The following RUNX3 variants were observed in gnomAD, a reference collection of about 807,000 sequenced individuals.
RUNX3 encodes the protein runt-related transcription factor 3.
Under a neutral mutation model 27.7 loss-of-function variants are expected in RUNX3, and 10 were observed. The ratio of observed to expected loss-of-function variants is 0.36; its 90% CI spans 0.22 to 0.61. RUNX3 has a LOEUF of 0.61. Ranked by LOEUF, RUNX3 falls within the 20% of genes least tolerant of loss-of-function variation. The pLI is 0.72. For synonymous variants in RUNX3, 270 were observed against 269.2 expected (o/e 1.00, Z -0.03); for missense variants, 469 against 629.5 (o/e 0.75, Z 2.73).
chr1:24,958,504 T>C (rs1642009472), intron 2 of RUNX3, among the ~76,000 whole-genome samples: 1 of 152,192 alleles, frequency 6.6e-6, no homozygotes. Flanking sequence ...TGATTCACTG[T>C]TCCTTGTTCT....
At position 24,904,253 on chromosome 1, in the gene RUNX3, G is replaced by C. The variant is rs1433097877; in HGVS notation, c.704-1587C>G. Among the ~76,000 whole-genome samples, 1 of 152,238 alleles carries C rather than the reference G, an allele frequency of 6.6e-6. No individual in the cohort carries two copies. The highest frequency in any genetic ancestry group is 2.1e-4 in the South Asian group (1 of 4,836). On this transcript the variant is annotated intron_variant, in intron 4 of 4. Coordinates refer to ENST00000308873, the MANE Select transcript of RUNX3 (RefSeq NM_004350.3). The surrounding 1 kb of genome is among the most constrained non-coding windows in gnomAD (Gnocchi z 5.7). ...GCTGAGGACGGAGAGCTATGAGCCT[G>C]AGGTGTGTGTGACTTCGGCTGGGAC...
Position 24,902,573 on chromosome 1 carries a change from G to T in RUNX3, c.797C>A (p.Pro266His). Reference protein sequence around the residue: ...PTLTESRFPDPRMHYPGAMSA... With the variant: ...PTLTESRFPDHRMHYPGAMSA... Reference sequence around the variant, plus strand: ...CATGGCCCCGGGATAATGCATCCTGGGGTCTGGGAAGCGGCTCTCCGTGAG... The same window carrying T: ...CATGGCCCCGGGATAATGCATCCTGTGGTCTGGGAAGCGGCTCTCCGTGAG... The change falls in exon 5 of 5, where the codon CCC becomes CAC. Residue 266 changes from proline to histidine, a missense_variant. Around this residue, in one of 3 missense-constraint regions of RUNX3, gnomAD observed 279 missense variants for 343.0 expected, o/e 0.81. Transcript: ENST00000308873. This position sits in a 1 kb window ranked among gnomAD's most constrained non-coding sequence, Gnocchi z 9.2. 1 of 1,574,034 alleles carries T rather than the reference G, an allele frequency of 6.4e-7. No individual in the cohort carries two copies. The highest frequency in any genetic ancestry group is 8.7e-7 in the Non-Finnish European group (1 of 1,154,238).
intron 2 of RUNX3, among the ~76,000 whole-genome samples, chr1:24,955,756 A>C (rs1286535478): frequency 6.6e-6 from 1 of 152,148 alleles, no homozygotes; most frequent in African/African-American, 2.4e-5. Context: ...ACACTGAAAA[A>C]CACTGGGGGG....
intron 2 of RUNX3, among the ~76,000 whole-genome samples, chr1:24,959,886 C>T (rs556832392): frequency 1.2e-4 from 18 of 152,340 alleles, no homozygotes; most frequent in South Asian, 8.3e-4. Context: ...ACCCACACCA[C>T]GCTCCCAGCC....
chr1:24,934,663 C>A (rs917476480), upstream of RUNX3, among the ~76,000 whole-genome samples: 4 of 152,172 alleles, frequency 2.6e-5, no homozygotes, highest in Non-Finnish European at 5.9e-5. Flanking sequence ...CAAAGAGGAA[C>A]GTTGTCCGAG....
chr1:24,907,119 G>C, intron 4 of RUNX3, 140 bp downstream of exon 4: 1 of 820,636 alleles, frequency 1.2e-6, no homozygotes, highest in South Asian at 1.8e-5. Flanking sequence ...AGGTGCCAAT[G>C]AGCACCAGCA....
chr1:24,913,166 G>T (rs1216921758), intron 3 of RUNX3, among the ~76,000 whole-genome samples: 1 of 152,214 alleles, frequency 6.6e-6, no homozygotes. Flanking sequence ...AAAAGCAGAG[G>T]ACTGAGATGG....
chr1:24,913,382 A>T (rs1640830694), intron 3 of RUNX3, among the ~76,000 whole-genome samples: 1 of 152,214 alleles, frequency 6.6e-6, no homozygotes, highest in Non-Finnish European at 1.5e-5. Context: ...ACCAGTGGTC[A>T]CTGTCTTGGG....
In RUNX3 at chr1:24,909,154, G is replaced by A. The variant is rs1041823952; in HGVS notation, c.545-1737C>T. Among the ~76,000 whole-genome samples the A allele has an allele frequency of 5.3e-5, 8 of 152,294 alleles. No homozygotes were observed. In the East Asian group the frequency reaches 7.7e-4, roughly 15 times the overall value. ...CACCCTCCTGCGGCCTGCTGAGGCCGAGGGACACTTCTGGAGTGATATCAA... is the reference window on the plus strand; with the variant it reads ...CACCCTCCTGCGGCCTGCTGAGGCCAAGGGACACTTCTGGAGTGATATCAA... On this transcript the variant is annotated intron_variant, in intron 3 of 4. Coordinates refer to ENST00000308873, the MANE Select transcript of RUNX3 (RefSeq NM_004350.3).
Position 24,930,216 on chromosome 1 carries a change from CCCGCGGCCGCCCCGACT to C in RUNX3, c.-365_-349del. ...CCGCCGCCTCCCGCCCCGAAGCTCG[CCCGCGGCCGCCCCGACT>C]CCGCGGCCGCAGCCCCAGAACAAAT... On this transcript the variant is annotated 5_prime_UTR_variant, in exon 1 of 5. Transcript: ENST00000308873. The surrounding 1 kb of genome is among the most constrained non-coding windows in gnomAD (Gnocchi z 4.1). 4.1e-6 allele frequency: 4 copies of C among 982,116 alleles called. No homozygotes were observed. Among genetic ancestry groups the C allele is most frequent in the Non-Finnish European group, 4.8e-6 (4 of 828,624 alleles). 60.8% of individuals were successfully genotyped at this position (982,116 alleles called of 1,614,324 possible). A position where few individuals can be genotyped will look rare whatever the true frequency, so the allele number is the denominator to read the frequency against.
At chr1:24,941,904 A>G (rs981453837) in intron 2 of RUNX3, among the ~76,000 whole-genome samples, 3 of 152,122 alleles carry the variant, frequency 2.0e-5, no homozygotes, top group African/African-American at 7.2e-5. Context: ...GACACTGGGC[A>G]CTCTGTCATT....
At position 24,930,263 on chromosome 1, in the gene RUNX3, C is replaced by G; in HGVS notation, c.-395G>C. The G allele has an allele frequency of 1.0e-6, 1 of 983,506 alleles. No individual in the cohort carries two copies. Among genetic ancestry groups the G allele is most frequent in the Non-Finnish European group, 1.2e-6 (1 of 828,832 alleles). 60.9% of individuals were successfully genotyped at this position (983,506 alleles called of 1,614,324 possible). A position where few individuals can be genotyped will look rare whatever the true frequency, so the allele number is the denominator to read the frequency against. ...GGCCGCAGCCCCAGAACAAATCCTC[C>G]AGAATCAAGTGGCGGGGCCGCGGCC... On this transcript the variant is annotated 5_prime_UTR_variant, in exon 1 of 5. Coordinates refer to ENST00000308873, the MANE Select transcript of RUNX3 (RefSeq NM_004350.3). The surrounding 1 kb of genome is among the most constrained non-coding windows in gnomAD (Gnocchi z 4.1).
chr1:24,902,073 G>C lies in RUNX3; in HGVS notation c.*49C>G, dbSNP rs922046718. ...TCGGAGCCGGCCCATCACTGGTCTT[G>C]AAGGTTGTTAGGGTCCCCGCCTCCA... On this transcript the variant is annotated 3_prime_UTR_variant, in exon 5 of 5. Coordinates refer to ENST00000308873, the MANE Select transcript of RUNX3 (RefSeq NM_004350.3). This position sits in a 1 kb window ranked among gnomAD's most constrained non-coding sequence, Gnocchi z 9.2. 7.6e-6 allele frequency: 11 copies of C among 1,450,442 alleles called. No homozygotes were observed. The African/African-American group carries it at 1.5e-4, about 20-fold the overall frequency. The allele number at this position is 1,450,442 out of a possible 1,614,324, so 89.8% of individuals were successfully genotyped here.
intron 3 of RUNX3, among the ~76,000 whole-genome samples, chr1:24,908,309 G>A (rs28373386): frequency 2.0e-5 from 3 of 150,524 alleles, no homozygotes; most frequent in Non-Finnish European, 4.4e-5. Flanking sequence ...AAACCTCTAC[G>A]ACACACGGTG....
intron 2 of RUNX3, among the ~76,000 whole-genome samples, chr1:24,924,085 G>A (rs1201385191): frequency 2.0e-5 from 3 of 152,202 alleles, no homozygotes; most frequent in Non-Finnish European, 2.9e-5. Flanking sequence ...AAAGTTCTCT[G>A]GCTGGTCGCA....
chr1:24,910,881 A>C (rs1640783207), intron 3 of RUNX3, among the ~76,000 whole-genome samples: 1 of 152,222 alleles, frequency 6.6e-6, no homozygotes, highest in South Asian at 2.1e-4. Context: ...CTGGGGCTGC[A>C]AACTCAGATG....
At chr1:24,964,756 G>GA (rs1313511075) in intron 1 of RUNX3, 1 of 1,412,526 alleles carries the variant, frequency 7.1e-7, no homozygotes, top group Non-Finnish European at 9.3e-7. Flanking sequence ...CTACGAAAAA[G>GA]AAAAAAGGAA....
At chr1:24,952,947 C>T (rs900914770) in intron 2 of RUNX3, among the ~76,000 whole-genome samples, 5 of 151,866 alleles carry the variant, frequency 3.3e-5, no homozygotes, top group Non-Finnish European at 1.5e-5. Context: ...TTAAAAAACT[C>T]AGGTATTTTT....
intron 3 of RUNX3, among the ~76,000 whole-genome samples, chr1:24,918,480 A>G (rs1250597841): frequency 6.6e-6 from 1 of 152,198 alleles, no homozygotes; most frequent in Non-Finnish European, 1.5e-5. Flanking sequence ...TTTCTGAGAA[A>G]GAGAGGGGTG....
Sources: gnomAD v4.1 joint callset for allele counts (sites outside exome capture counted in the v4.1 genomes callset) on GRCh38, gnomAD v4.1.1 for gene constraint, gnomAD v4.1.1 regional missense constraint, Gnocchi (gnomAD v3.1) non-coding constraint, MANE v1.5 for transcripts, NCBI Gene and HGNC (gene_info 2026-07-23, HGNC 2026-07-21) for gene names.